SUMF1: variants seen among roughly 807,000 people sequenced by gnomAD.
SUMF1 encodes sulfatase modifying factor 1.
In SUMF1, 48 loss-of-function variants were observed where a neutral mutation model predicts 47.6. The ratio of observed to expected loss-of-function variants is 1.01; its 90% confidence interval spans 0.80 to 1.28. SUMF1 has a LOEUF of 1.28. Ranked by LOEUF, SUMF1 falls within the 50% of genes most tolerant of loss-of-function variation. The probability of loss-of-function intolerance (pLI) is 0.00; values close to 1 mark genes in which losing one functional copy is unlikely to be tolerated. For synonymous variants in SUMF1, 230 were observed against 192.1 expected (o/e 1.20, Z -1.63); for missense variants, 571 against 485.4 (o/e 1.18, Z -1.66).
chr3:4,182,748 G>A (rs978986374), intron 8 of SUMF1, among the ~76,000 whole-genome samples: 13 of 152,050 alleles, frequency 8.5e-5, no homozygotes, highest in East Asian at 1.9e-4. Flanking sequence ...GAACACTTGC[G>A]GTTACACTAG....
intron 8 of SUMF1, among the ~76,000 whole-genome samples, chr3:4,337,952 A>C (rs1310966560): frequency 6.6e-6 from 1 of 152,202 alleles, no homozygotes; most frequent in African/African-American, 2.4e-5. Flanking sequence ...TTCAAGGATA[A>C]AAAATCAAGG....
chr3:4,211,185 T>TATAC (rs1433311009), intron 8 of SUMF1, among the ~76,000 whole-genome samples: 3 of 88,080 alleles, frequency 3.4e-5, no homozygotes, highest in African/African-American at 4.6e-5. Context: ...TATATATACA[T>TATAC]ATACATATAC....
At chr3:4,136,510 T>TA (rs1190984671) in intron 8 of SUMF1, among the ~76,000 whole-genome samples, 1 of 151,880 alleles carries the variant, frequency 6.6e-6, no homozygotes, top group African/African-American at 2.4e-5. Flanking sequence ...CCTAAAACCA[T>TA]AAAAACCCTA....
At chr3:4,279,327 A>G (rs1277607078) in intron 8 of SUMF1, among the ~76,000 whole-genome samples, 1 of 152,206 alleles carries the variant, frequency 6.6e-6, no homozygotes, top group East Asian at 1.9e-4. Context: ...TGTAGAAACA[A>G]AACAATCAAG....
chr3:4,168,813 T>C (rs1288918385), intron 8 of SUMF1, among the ~76,000 whole-genome samples: 1 of 152,180 alleles, frequency 6.6e-6, no homozygotes, highest in African/African-American at 2.4e-5. Flanking sequence ...AGCACAGTGC[T>C]GAACACCCAA....
Position 4,125,799 on chromosome 3 carries a change from T to A in SUMF1, c.1015-57054A>T, listed in dbSNP as rs546497175. Among the ~76,000 whole-genome samples the A allele has an allele frequency of 1.4e-3, 215 of 152,222 alleles. 2 individuals carry two copies. The highest frequency in any genetic ancestry group is 2.5e-3 in the Non-Finnish European group (173 of 68,018). On this transcript the variant is annotated intron_variant and NMD_transcript_variant, in intron 8 of 12. Transcript: ENST00000448413. ...AAGCAATCCTCCTGTCTCAGCACCC[T>A]CTGGGTAGCAGGGACTACAGGTGTG... is the stretch of plus-strand genomic sequence containing the variant.
chr3:4,273,469 T>A (rs935995687), intron 8 of SUMF1, among the ~76,000 whole-genome samples: 1 of 151,786 alleles, frequency 6.6e-6, no homozygotes, highest in Non-Finnish European at 1.5e-5. Flanking sequence ...AAAATATCTA[T>A]AGAAACAGAA....
chr3:4,188,836 C>T (rs1695256394), intron 8 of SUMF1, among the ~76,000 whole-genome samples: 1 of 152,270 alleles, frequency 6.6e-6, no homozygotes, highest in Middle Eastern at 3.4e-3. Flanking sequence ...TACATGGTAT[C>T]CCTATTATGC....
At chr3:4,131,597 T>C (rs1693790891) in intron 8 of SUMF1, among the ~76,000 whole-genome samples, 1 of 152,118 alleles carries the variant, frequency 6.6e-6, no homozygotes, top group South Asian at 2.1e-4. Flanking sequence ...AGATATGCAA[T>C]TACATACTGA....
chr3:4,166,244 A>G (rs544541772), intron 8 of SUMF1, among the ~76,000 whole-genome samples: 48 of 152,088 alleles, frequency 3.2e-4, no homozygotes, highest in Non-Finnish European at 3.8e-4. Flanking sequence ...CCTTTCTCCT[A>G]TAAGATGATA....
intron 8 of SUMF1, among the ~76,000 whole-genome samples, chr3:4,354,497 T>C (rs1224138848): frequency 6.6e-6 from 1 of 152,206 alleles, no homozygotes; most frequent in African/African-American, 2.4e-5. Flanking sequence ...AGTTTCACAA[T>C]ATAGGTAGCG....
intron 8 of SUMF1, among the ~76,000 whole-genome samples, chr3:4,162,933 A>G (rs1422821158): frequency 6.6e-6 from 1 of 152,036 alleles, no homozygotes; most frequent in Non-Finnish European, 1.5e-5. Flanking sequence ...GAAAGTAATG[A>G]AAGAAAAATG....
rs116322944 is a variant in SUMF1, at chr3:4,111,426, C to T, written c.1015-42681G>A. On this transcript the variant is annotated intron_variant and NMD_transcript_variant, in intron 8 of 12. Transcript: ENST00000448413. Reference sequence around the variant, plus strand: ...TGAGGGTAAGAATTATCTCATAAAACCTTTATTTCTCGGCCGGGCGCAGTG... The same window carrying T: ...TGAGGGTAAGAATTATCTCATAAAATCTTTATTTCTCGGCCGGGCGCAGTG... 2.7e-3 allele frequency among the ~76,000 whole-genome samples: 406 copies of T among 152,032 alleles called. 1 individual carries two copies. Among genetic ancestry groups the T allele is most frequent in the Middle Eastern group, 0.01 (3 of 294 alleles).
At chr3:4,171,426 T>C (rs1694830441) in intron 8 of SUMF1, among the ~76,000 whole-genome samples, 2 of 152,192 alleles carry the variant, frequency 1.3e-5, no homozygotes, top group Non-Finnish European at 1.5e-5. Flanking sequence ...GTTTCATAGA[T>C]GTGTTTACAT....
chr3:4,250,444 G>A (rs191299151), intron 8 of SUMF1, among the ~76,000 whole-genome samples: 10 of 152,080 alleles, frequency 6.6e-5, no homozygotes, highest in South Asian at 2.1e-4. Context: ...AAGCAAGAGC[G>A]GATGGAGAAG....
rs1344593787 is a variant in SUMF1, at chr3:4,445,382, G to T, written c.519+3884C>A. ...AGACAGGGTCTCACTCTGTCACCCA[G>T]CCTGGAGTACAATGGTGCCATCACA... On this transcript the variant is annotated intron_variant, in intron 3 of 8. Transcript: ENST00000272902. Among the ~76,000 whole-genome samples, 3 of 152,146 alleles carry T rather than the reference G, an allele frequency of 2.0e-5. No homozygotes were observed. In the South Asian group the frequency reaches 6.2e-4, roughly 32 times the overall value.
chr3:4,180,683 A>ACACACACACACACACAC (rs1553606607), intron 8 of SUMF1, among the ~76,000 whole-genome samples: 1 of 139,642 alleles, frequency 7.2e-6, no homozygotes, highest in Non-Finnish European at 1.5e-5. Flanking sequence ...CCTAGAACTT[A>ACACACACACACACACAC]ACACACACAC....
chr3:4,423,657 A>G (rs1478215707), intron 3 of SUMF1, among the ~76,000 whole-genome samples: 1 of 152,210 alleles, frequency 6.6e-6, no homozygotes, highest in East Asian at 1.9e-4. Flanking sequence ...ACATATAATA[A>G]TTGATATAGT....
chr3:4,143,939 A>G (rs889327437), intron 8 of SUMF1, among the ~76,000 whole-genome samples: 1 of 151,108 alleles, frequency 6.6e-6, no homozygotes, highest in Non-Finnish European at 1.5e-5. Context: ...TTAGAGAAGC[A>G]CTGCAGCAGG....
Sources: allele counts gnomAD v4.1 joint callset (sites outside exome capture counted in the v4.1 genomes callset), GRCh38; gene constraint gnomAD v4.1.1; transcripts MANE v1.5; gene names NCBI Gene and HGNC (gene_info 2026-07-23, HGNC 2026-07-21).